The following VIPAS39 variants were observed in gnomAD, a reference collection of about 807,000 sequenced individuals.
The protein encoded by VIPAS39 is spermatogenesis-defective protein 39 homolog.
A neutral mutation model predicts 84.7 loss-of-function variants in VIPAS39; 63 were observed. The observed-to-expected ratio is 0.74, with a 90% CI of 0.61 to 0.92. VIPAS39 has a LOEUF of 0.92. Ranked by LOEUF, VIPAS39 falls within the 40% of genes least tolerant of loss-of-function variation. VIPAS39 has a pLI of 0.00. For missense variants in VIPAS39, 499 were observed against 604.5 expected, an observed-to-expected ratio of 0.83 and a Z score of 1.83; for synonymous variants, 192 against 216.5, an observed-to-expected ratio of 0.89 and a Z score of 0.99.
chr14:77,427,474 T>C lies in VIPAS39; in HGVS notation c.*142A>G, dbSNP rs1393673501. On this transcript the variant is annotated 3_prime_UTR_variant, in exon 20 of 20. Transcript: ENST00000557658. ...TGGACAGAAGATCAGTCTGAAGTTA[T>C]CTGTGTCAAGAGTAGCTGGCACTGC... The C allele has an allele frequency of 2.1e-6, 2 of 935,356 alleles. No individual in the cohort carries two copies. Among genetic ancestry groups the C allele is most frequent in the Non-Finnish European group, 3.4e-6 (2 of 582,728 alleles). The allele number at this position is 935,356 out of a possible 1,614,324, so 57.9% of individuals were successfully genotyped here.
chr14:77,433,722 G>T (rs956031175), intron 16 of VIPAS39, 120 bp downstream of exon 16: 2 of 930,022 alleles, frequency 2.2e-6, no homozygotes, highest in East Asian at 5.2e-5. Flanking sequence ...TTTTCTTTAG[G>T]TTTGAAATTT....
chr14:77,436,038 G>C (rs1170637799), intron 12 of VIPAS39, 119 bp from the exon 13 acceptor site: 1 of 970,084 alleles, frequency 1.0e-6, no homozygotes, highest in Non-Finnish European at 1.7e-6. Flanking sequence ...TCTGATCTCA[G>C]TTCACCTTTA....
At position 77,434,319 on chromosome 14, in the gene VIPAS39, A is replaced by G; in HGVS notation, c.1048-16T>C. 4 of 1,613,874 alleles carry G rather than the reference A, an allele frequency of 2.5e-6. No homozygotes were observed. The highest frequency in any genetic ancestry group is 3.4e-6 in the Non-Finnish European group (4 of 1,179,830). ...TGAATGTCCCCTAGGATGAAAGTGA[A>G]AAAGGAACTTTAGTGATATTGACTT... On this transcript the variant is annotated splice_polypyrimidine_tract_variant and intron_variant, in intron 14 of 19. Coordinates refer to ENST00000557658, the MANE Select transcript of VIPAS39 (RefSeq NM_001193315.2).
At chr14:77,442,703 C>T in intron 9 of VIPAS39, 41 bp from the exon 10 acceptor site, 1 of 1,573,140 alleles carries the variant, frequency 6.4e-7, no homozygotes, top group Non-Finnish European at 8.7e-7. Context: ...AGATTAAAGC[C>T]AATTAGTCAA....
In VIPAS39 at chr14:77,429,746, T is replaced by C. The variant is rs1689357003; in HGVS notation, c.1201A>G (p.Lys401Glu). 1 of 1,614,070 alleles carries C rather than the reference T, an allele frequency of 6.2e-7. No homozygotes were observed. The highest frequency in any genetic ancestry group is 1.3e-5 in the African/African-American group (1 of 74,926). ...TTKNWLGYTK[K>E]RAPIGFHRVV... is the part of the protein sequence containing the mutation. ...CGATGGAAGCCAATGGGTGCTCTCT[T>C]CTTGGTATAGCCCAGCCAGTTCTGA... The change falls in exon 17 of 20, where the codon AAG (lysine) becomes GAG (glutamate). Residue 401 changes from lysine (K) to glutamate (E), a missense_variant. Transcript: ENST00000557658.
intron 8 of VIPAS39, 126 bp downstream of exon 8, chr14:77,444,123 A>G (rs973606727): frequency 3.2e-6 from 3 of 947,384 alleles, no homozygotes; most frequent in South Asian, 1.4e-5. Context: ...TTAGAATCCT[A>G]CACCTCCAAG....
intron 11 of VIPAS39, among the ~76,000 whole-genome samples, chr14:77,439,969 A>T (rs997395697): frequency 4.6e-5 from 7 of 151,986 alleles, no homozygotes; most frequent in Non-Finnish European, 1.0e-4. Context: ...CCCAGACATG[A>T]CCTCCCAGAC....
rs267604067 is a variant in VIPAS39 at position 77,435,264 on chromosome 14, C to G, written c.1042G>C (p.Ala348Pro). 6.2e-7 allele frequency: 1 copy of G among 1,614,092 alleles called. No individual in the cohort carries two copies. The part of the protein sequence containing the change: ...FYSCFYHYTE[A>P]EGTFSSPVNL... ...CTTCCATATTTTGCCTGTACCTCAG[C>G]CTCTGTGTAGTGATAGAAGCAGGAG... Residue 348 changes from alanine to proline, a missense_variant, in exon 14 of 20, where the codon GCT (alanine) becomes CCT (proline). Physicochemically the swap from Ala to Pro is conservative, Grantham distance 27. Transcript: ENST00000557658.
At position 77,457,511 on chromosome 14, in the gene VIPAS39, C is replaced by T. The variant is rs934915740; in HGVS notation, c.-17G>A. ...CACCCTCACCTCTTCCGCACAGAGC[C>T]CTCCCTCTCAGGACAGCGCCAGCCT... On this transcript the variant is annotated 5_prime_UTR_variant, in exon 1 of 20. Coordinates refer to ENST00000557658, the MANE Select transcript of VIPAS39 (RefSeq NM_001193315.2). 5.5e-5 allele frequency: 56 copies of T among 1,010,902 alleles called. No individual in the cohort carries two copies. The East Asian group carries it at 1.4e-3, about 26-fold the overall frequency. 62.6% of individuals were successfully genotyped at this position (1,010,902 alleles called of 1,614,324 possible).
At chr14:77,449,272 C>T in intron 6 of VIPAS39, 21 bp downstream of exon 6, 1 of 1,610,898 alleles carries the variant, frequency 6.2e-7, no homozygotes, top group African/African-American at 1.3e-5. Flanking sequence ...AAGTGTCACA[C>T]CAGTGTATGC....
At chr14:77,442,387 G>A (rs1186350174) in intron 10 of VIPAS39, among the ~76,000 whole-genome samples, 173 bp downstream of exon 10, 1 of 152,158 alleles carries the variant, frequency 6.6e-6, no homozygotes, top group Non-Finnish European at 1.5e-5. Context: ...TAACCAACTT[G>A]CACCTTATCA....
Position 77,457,530 on chromosome 14 carries a change from C to T in VIPAS39, c.-36G>A, listed in dbSNP as rs891032694. The T allele has an allele frequency of 7.7e-6, 6 of 777,798 alleles. No homozygotes were observed. The highest frequency in any genetic ancestry group is 3.5e-5 in the South Asian group (2 of 56,864). 48.2% of individuals were successfully genotyped at this position (777,798 alleles called of 1,614,324 possible). ...CAGAGCCCTCCCTCTCAGGACAGCG[C>T]CAGCCTCCGCCGCCGCTGGACCAGC... On this transcript the variant is annotated 5_prime_UTR_variant, in exon 1 of 20. Coordinates refer to ENST00000557658, the MANE Select transcript of VIPAS39 (RefSeq NM_001193315.2).
intron 19 of VIPAS39, 84 bp from the exon 20 acceptor site, chr14:77,427,720 G>C: frequency 1.9e-6 from 3 of 1,553,102 alleles, no homozygotes; most frequent in Middle Eastern, 1.7e-4. Flanking sequence ...ACAAAACAAG[G>C]CTCAGCTAGA....
At position 77,433,837 on chromosome 14, in the gene VIPAS39, C is replaced by A; in HGVS notation, c.1179+5G>T. 6.2e-7 allele frequency: 1 copy of A among 1,613,860 alleles called. No homozygotes were observed. Among genetic ancestry groups the A allele is most frequent in the East Asian group, 2.2e-5 (1 of 44,876 alleles). ...GCCTCAGCAGCACAGGGGCAGGGCACACACCTTTGTGGTGAATAGGGCATC... is the reference window on the plus strand; with the variant it reads ...GCCTCAGCAGCACAGGGGCAGGGCAAACACCTTTGTGGTGAATAGGGCATC... On this transcript the variant is annotated splice_donor_5th_base_variant and intron_variant, in intron 16 of 19. Transcript: ENST00000557658.
rs371894407 is a variant in VIPAS39 at position 77,435,872 on chromosome 14, G to C, written c.884C>G (p.Thr295Arg). 5.6e-6 allele frequency: 9 copies of C among 1,614,142 alleles called. No individual in the cohort carries two copies. Among genetic ancestry groups the C allele is most frequent in the Non-Finnish European group, 7.6e-6 (9 of 1,180,018 alleles). Reference protein sequence around the residue: ...EDSAHIQDHYTLLERQIIIEA... With the variant: ...EDSAHIQDHYRLLERQIIIEA... ...AATAATGATCTGACGTTCCAGGAGC[G>C]TGTAATGGTCCTGTATGTGTGCGGA... Residue 295 changes from threonine to arginine, a missense_variant, in exon 13 of 20, where the codon ACG becomes AGG. By Grantham distance (71) the Thr-to-Arg change is moderately conservative. Coordinates refer to ENST00000557658, the MANE Select transcript of VIPAS39 (RefSeq NM_001193315.2).
intron 1 of VIPAS39, among the ~76,000 whole-genome samples, chr14:77,456,482 T>G (rs1021751711): frequency 6.6e-6 from 1 of 152,216 alleles, no homozygotes; most frequent in Admixed American, 6.5e-5. Context: ...AACAATCTTG[T>G]AAGGTAGGCC....
chr14:77,438,226 A>T (rs930325138), intron 11 of VIPAS39, among the ~76,000 whole-genome samples: 22 of 132,054 alleles, frequency 1.7e-4, no homozygotes, highest in African/African-American at 5.3e-4. Context: ...AATATGGAAA[A>T]TTTTTTTTTT....
chr14:77,434,707 A>G (rs918505002), intron 14 of VIPAS39, among the ~76,000 whole-genome samples: 1 of 151,900 alleles, frequency 6.6e-6, no homozygotes, highest in Non-Finnish European at 1.5e-5. Flanking sequence ...CCTGGCCAAC[A>G]TGGTGAAACC....
At chr14:77,434,834 G>C (rs1231906594) in intron 14 of VIPAS39, among the ~76,000 whole-genome samples, 1 of 151,868 alleles carries the variant, frequency 6.6e-6, no homozygotes, top group African/African-American at 2.4e-5. Flanking sequence ...AGGAGGCGGA[G>C]GTTACAGTGA....
Sources: gnomAD v4.1 joint callset for allele counts (sites outside exome capture counted in the v4.1 genomes callset) on GRCh38, gnomAD v4.1.1 for gene constraint, MANE v1.5 for transcripts, NCBI Gene and HGNC (gene_info 2026-07-23, HGNC 2026-07-21) for gene names.